Variants in DZANK1 observed in about 807,000 individuals in gnomAD.
DZANK1 encodes the protein double zinc ribbon and ankyrin repeat domains 1.
DZANK1 carries 91 observed loss-of-function variants against 94.5 expected under a neutral mutation model. The ratio of observed to expected loss-of-function variants is 0.96; its 90% CI spans 0.81 to 1.15. The LOEUF is 1.15. Among genes scored for constraint, DZANK1 ranks in the 50% most tolerant of loss-of-function variants. The pLI, the probability that DZANK1 is intolerant of heterozygous loss-of-function variation, is 0.00. For synonymous variants in DZANK1, 312 were observed against 325.3 expected (o/e 0.96, Z 0.44); for missense variants, 903 against 916.4 (o/e 0.99, Z 0.19).
intron 13 of DZANK1, among the ~76,000 whole-genome samples, chr20:18,404,883 G>A (rs2056880313): frequency 6.6e-6 from 1 of 151,760 alleles, no homozygotes; most frequent in Admixed American, 6.6e-5. Flanking sequence ...CTGCACTCCA[G>A]CCTGGGTGAC....
intron 13 of DZANK1, among the ~76,000 whole-genome samples, chr20:18,411,919 T>C (rs6136367): frequency 0.36 from 55,322 of 151,932 alleles, 10,890 homozygotes; most frequent in Middle Eastern, 0.45. Flanking sequence ...GAGGGCAACG[T>C]TGTGTCCTCA....
At chr20:18,424,182 G>T (rs1465048085) in intron 10 of DZANK1, among the ~76,000 whole-genome samples, 1 of 152,210 alleles carries the variant, frequency 6.6e-6, no homozygotes, top group African/African-American at 2.4e-5. Context: ...GGGCGCGGTG[G>T]CTCATGCCTG....
intron 2 of DZANK1, among the ~76,000 whole-genome samples, chr20:18,460,616 C>G (rs2059443308): frequency 6.6e-6 from 1 of 152,072 alleles, no homozygotes; most frequent in African/African-American, 2.4e-5. Flanking sequence ...GTAGTCCCAG[C>G]TACTCAGGAG....
At chr20:18,455,383 G>A in intron 3 of DZANK1, 22 bp from the exon 4 acceptor site, 1 of 1,533,634 alleles carries the variant, frequency 6.5e-7, no homozygotes. Flanking sequence ...TATTAAGAAA[G>A]GAAAAAGTCT....
chr20:18,458,269 C>T (rs774415380), intron 3 of DZANK1, among the ~76,000 whole-genome samples: 8 of 152,052 alleles, frequency 5.3e-5, no homozygotes, highest in Non-Finnish European at 1.0e-4. Flanking sequence ...GATCTTAGGG[C>T]GGAAGATTTA....
At chr20:18,429,710 A>G (rs2058204806) in intron 9 of DZANK1, among the ~76,000 whole-genome samples, 1 of 152,218 alleles carries the variant, frequency 6.6e-6, no homozygotes, top group African/African-American at 2.4e-5. Context: ...GTGATGGTCT[A>G]CTTTACTGCG....
intron 4 of DZANK1, chr20:18,454,284 G>A: frequency 3.0e-6 from 1 of 331,358 alleles, no homozygotes; most frequent in South Asian, 2.5e-5. Flanking sequence ...AGCACTTGCT[G>A]ACATATGTTG....
chr20:18,424,480 A>AAAAAG (rs1244840962), intron 10 of DZANK1, among the ~76,000 whole-genome samples: 5 of 149,212 alleles, frequency 3.4e-5, no homozygotes, highest in East Asian at 2.0e-4. Flanking sequence ...AAAAAAAAAA[A>AAAAAG]AAAAGAAAAG....
At chr20:18,398,247 CTGACTGTT>C in intron 14 of DZANK1, 1 of 423,092 alleles carries the variant, frequency 2.4e-6, no homozygotes, top group Non-Finnish European at 4.4e-6. Flanking sequence ...ACCTTTCATT[CTGACTGTT>C]AGAATTTCCA....
chr20:18,394,307 A>G, exon 16 of DZANK1: 1 of 1,613,910 alleles, frequency 6.2e-7, no homozygotes, highest in Non-Finnish European at 8.5e-7. Context: ...AGCACTGCTC[A>G]GAAGGTGATC....
At chr20:18,431,357 C>A (rs919413481) in intron 9 of DZANK1, among the ~76,000 whole-genome samples, 2 of 152,010 alleles carry the variant, frequency 1.3e-5, no homozygotes, top group African/African-American at 2.4e-5. Flanking sequence ...TGCTTTTGCA[C>A]TCAGTGGAGT....
chr20:18,461,757 GC>G (rs2059481850), intron 2 of DZANK1, among the ~76,000 whole-genome samples: 5 of 152,014 alleles, frequency 3.3e-5, no homozygotes, highest in Admixed American at 2.0e-4. Flanking sequence ...CCACCACCAC[GC>G]CCAGCTAATT....
intron 3 of DZANK1, among the ~76,000 whole-genome samples, chr20:18,458,767 C>G (rs17806832): frequency 0.094 from 14,320 of 152,216 alleles, 875 homozygotes; most frequent in Non-Finnish European, 0.13. Flanking sequence ...CTTACAACCC[C>G]ACATGAGGTC....
At chr20:18,436,643 A>C (rs1473158293) in intron 8 of DZANK1, among the ~76,000 whole-genome samples, 7 of 152,230 alleles carry the variant, frequency 4.6e-5, no homozygotes, top group African/African-American at 1.4e-4. Flanking sequence ...AAAGAGAGAA[A>C]GGAACAGAAA....
Position 18,394,287 on chromosome 20 carries a change from C to CA in DZANK1, c.1674dup (p.Asp559Ter). 6.2e-7 allele frequency: 1 copy of CA among 1,613,832 alleles called. No individual in the cohort carries two copies. The highest frequency in any genetic ancestry group is 8.5e-7 in the Non-Finnish European group (1 of 1,179,832). ...GACCTGCTGCCGCACAGCCCCCCAT[C>CA]ACCCTCGGCAGCACTGCTCAGAAGG... On this transcript the variant is annotated frameshift_variant, in exon 16 of 21. Transcript: ENST00000262547. LOFTEE classifies it high-confidence loss of function.
intron 7 of DZANK1, among the ~76,000 whole-genome samples, chr20:18,445,914 T>G (rs1179698297): frequency 6.6e-6 from 1 of 151,960 alleles, no homozygotes; most frequent in African/African-American, 2.4e-5. Context: ...TGTGCCACCA[T>G]GCCTAATTTT....
At chr20:18,398,766 A>G in intron 13 of DZANK1, 140 bp from the exon 14 acceptor site, 1 of 748,422 alleles carries the variant, frequency 1.3e-6, no homozygotes, top group East Asian at 2.6e-5. Flanking sequence ...GTGAACCTCA[A>G]CTATGCTCTG....
At chr20:18,418,795 G>GA (rs372914315) in intron 10 of DZANK1, among the ~76,000 whole-genome samples, 81 of 152,010 alleles carry the variant, frequency 5.3e-4, no homozygotes, top group African/African-American at 1.9e-3. Flanking sequence ...CAAAGAAATA[G>GA]AAACAATAAA....
chr20:18,386,951 C>T (rs1188885390), intron 19 of DZANK1, among the ~76,000 whole-genome samples: 1 of 152,124 alleles, frequency 6.6e-6, no homozygotes. Context: ...GTGTATTAGT[C>T]CATTTTCACA....
Sources: allele counts gnomAD v4.1 joint callset (sites outside exome capture counted in the v4.1 genomes callset), GRCh38; gene constraint gnomAD v4.1.1; transcripts MANE v1.5; gene names NCBI Gene and HGNC (gene_info 2026-07-23, HGNC 2026-07-21).